MYT1L: variants seen among roughly 807,000 people sequenced by gnomAD.
MYT1L encodes the protein myelin transcription factor 1 like.
MYT1L carries 12 observed loss-of-function variants against 126.7 expected under a neutral mutation model. The ratio of observed to expected loss-of-function variants is 0.09; its 90% CI spans 0.06 to 0.15. The LOEUF (loss-of-function observed/expected upper bound fraction) is 0.15, where lower values mean the gene tolerates loss of function less well. Ranked by LOEUF, MYT1L falls within the 10% of genes least tolerant of loss-of-function variation. The pLI is 1.00. For synonymous variants in MYT1L, 541 were observed against 604.2 expected, an observed-to-expected ratio of 0.90 and a Z score of 1.53; for missense variants, 979 against 1,585.2, an observed-to-expected ratio of 0.62 and a Z score of 6.49.
chr2:2,223,649 A>C (rs2093939061), intron 2 of MYT1L, among the ~76,000 whole-genome samples: 1 of 152,146 alleles, frequency 6.6e-6, no homozygotes, highest in Non-Finnish European at 1.5e-5. Context: ...TTTTTACAAG[A>C]CTTTATAGGC....
chr2:2,102,473 A>G (rs1478334766), intron 3 of MYT1L, among the ~76,000 whole-genome samples: 6 of 152,058 alleles, frequency 3.9e-5, no homozygotes, highest in Non-Finnish European at 7.4e-5. Context: ...TCTTAAACAT[A>G]TCAATATTGT....
At chr2:2,277,697 C>A (rs1445687111) in intron 2 of MYT1L, among the ~76,000 whole-genome samples, 1 of 151,986 alleles carries the variant, frequency 6.6e-6, no homozygotes. Flanking sequence ...AAGTTACTGC[C>A]CTTCAGGTGT....
At chr2:2,204,456 T>C (rs1056746509) in intron 2 of MYT1L, among the ~76,000 whole-genome samples, 41 of 150,182 alleles carry the variant, frequency 2.7e-4, no homozygotes, top group Non-Finnish European at 5.5e-4. Context: ...GCGAAGGATA[T>C]GAACAGACAC....
At chr2:2,135,952 T>C (rs2082995265) in intron 3 of MYT1L, among the ~76,000 whole-genome samples, 1 of 152,174 alleles carries the variant, frequency 6.6e-6, no homozygotes, top group South Asian at 2.1e-4. Flanking sequence ...CTATTTACAA[T>C]ATCAAAGACT....
intron 8 of MYT1L, among the ~76,000 whole-genome samples, chr2:1,957,387 C>T (rs1411498377): frequency 1.3e-5 from 2 of 152,004 alleles, no homozygotes; most frequent in African/African-American, 4.8e-5. Context: ...ATATGCTGTA[C>T]CCAATATGTA....
chr2:2,003,116 C>T (rs116879576), intron 4 of MYT1L, among the ~76,000 whole-genome samples: 1 of 152,144 alleles, frequency 6.6e-6, no homozygotes, highest in Admixed American at 6.5e-5. Context: ...CTTACAACTG[C>T]TCCAAAATAT....
chr2:1,813,155 AT>A (rs2036962494), intron 21 of MYT1L, among the ~76,000 whole-genome samples: 1 of 152,168 alleles, frequency 6.6e-6, no homozygotes, highest in African/African-American at 2.4e-5. Flanking sequence ...TGCGAATGGC[AT>A]TGAGGGGCCA....
At chr2:2,006,958 C>T (rs577316729) in intron 4 of MYT1L, among the ~76,000 whole-genome samples, 8 of 151,588 alleles carry the variant, frequency 5.3e-5, no homozygotes, top group African/African-American at 1.5e-4. Flanking sequence ...ACTTATATTA[C>T]GTAGTATAAT....
intron 3 of MYT1L, among the ~76,000 whole-genome samples, chr2:2,075,270 T>C (rs1159502901): frequency 6.6e-6 from 1 of 152,210 alleles, no homozygotes; most frequent in Non-Finnish European, 1.5e-5. Flanking sequence ...TAGACGTTCT[T>C]AGAGAGGATT....
chr2:2,122,839 G>A (rs372093673), intron 3 of MYT1L, among the ~76,000 whole-genome samples: 2 of 98,196 alleles, frequency 2.0e-5, no homozygotes, highest in Non-Finnish European at 4.0e-5. Context: ...GGATAGGAAT[G>A]TGTGTGTGTG....
intron 14 of MYT1L, among the ~76,000 whole-genome samples, chr2:1,902,353 C>T (rs2050457827): frequency 1.3e-5 from 2 of 152,216 alleles, no homozygotes. Flanking sequence ...TGCCACAAGC[C>T]AGCAGGGGAC....
intron 1 of MYT1L, among the ~76,000 whole-genome samples, chr2:2,295,738 A>G (rs2095677758): frequency 6.9e-6 from 1 of 145,090 alleles, no homozygotes; most frequent in Non-Finnish European, 1.5e-5. Flanking sequence ...AGAGACAGAC[A>G]GACAGAGAGA....
At position 2,295,537 on chromosome 2, in the gene MYT1L, T is replaced by C. The variant is rs370849394; in HGVS notation, c.-520-11034A>G. Among the ~76,000 whole-genome samples, 36 of 32,508 alleles carry C rather than the reference T, an allele frequency of 1.1e-3. 2 individuals are homozygous for C. Among genetic ancestry groups the C allele is most frequent in the Non-Finnish European group, 2.1e-3 (31 of 14,548 alleles). The allele number at this position is 32,508 out of a possible 152,430, so 21.3% of individuals were successfully genotyped here. On this transcript the variant is annotated intron_variant, in intron 1 of 24. Transcript: ENST00000647738. ...GGGGCAGAGGAGGTGCAGAGAAAGATAGAGAGAGAGAGAGAGAGACAGACA... is the reference window on the plus strand; with the variant it reads ...GGGGCAGAGGAGGTGCAGAGAAAGACAGAGAGAGAGAGAGAGAGACAGACA...
chr2:2,212,574 G>A (rs2093558469), intron 2 of MYT1L, among the ~76,000 whole-genome samples: 1 of 151,946 alleles, frequency 6.6e-6, no homozygotes, highest in Non-Finnish European at 1.5e-5. Flanking sequence ...AAGTATAAAT[G>A]GTATTTAAGT....
At chr2:2,014,622 C>T (rs904178281) in intron 4 of MYT1L, among the ~76,000 whole-genome samples, 1 of 152,230 alleles carries the variant, frequency 6.6e-6, no homozygotes, top group African/African-American at 2.4e-5. Context: ...GATGGGCACC[C>T]TGCCTGACTC....
intron 1 of MYT1L, among the ~76,000 whole-genome samples, chr2:2,300,923 C>T (rs946709343): frequency 5.3e-5 from 8 of 152,324 alleles, no homozygotes; most frequent in Admixed American, 1.3e-4. Flanking sequence ...ATAAAACGCC[C>T]ACTCTCCTGC....
At chr2:2,107,452 T>C (rs184382757) in intron 3 of MYT1L, among the ~76,000 whole-genome samples, 1 of 152,304 alleles carries the variant, frequency 6.6e-6, no homozygotes. Context: ...CCTAAAACAC[T>C]AGCTCTCTGA....
At chr2:1,932,542 T>C (rs148591929) in intron 9 of MYT1L, among the ~76,000 whole-genome samples, 130 of 152,308 alleles carry the variant, frequency 8.5e-4, no homozygotes, top group Non-Finnish European at 1.6e-3. Context: ...GGCTGTTCCA[T>C]TGCAGTTGGT....
intron 18 of MYT1L, among the ~76,000 whole-genome samples, chr2:1,874,349 G>T (rs1573091914): frequency 1.2e-5 from 1 of 80,292 alleles, no homozygotes; most frequent in African/African-American, 9.5e-5. Context: ...TAATGTAACA[G>T]GGGGAAAAGT....
Sources: gnomAD v4.1 joint callset for allele counts (sites outside exome capture counted in the v4.1 genomes callset) on GRCh38, gnomAD v4.1.1 for gene constraint, MANE v1.5 for transcripts, NCBI Gene and HGNC (gene_info 2026-07-23, HGNC 2026-07-21) for gene names.